MACC1: variants seen among roughly 807,000 people sequenced by gnomAD.
MACC1 encodes MET transcriptional regulator MACC1.
A neutral mutation model predicts 70.7 loss-of-function variants in MACC1; 79 were observed. That is an observed-to-expected ratio of 1.12 (90% CI 0.93 to 1.35). The LOEUF is 1.35. MACC1 is among the 40% of genes most tolerant of loss of function. The pLI is 0.00. For missense variants in MACC1, 1,106 were observed against 978.1 expected (o/e 1.13, Z -1.74); for synonymous variants, 361 against 347.2 (o/e 1.04, Z -0.44).
chr7:20,189,590 C>A (rs1330897422), intron 1 of MACC1, among the ~76,000 whole-genome samples: 2 of 152,104 alleles, frequency 1.3e-5, no homozygotes, highest in Non-Finnish European at 2.9e-5. Context: ...AATGGCTTTC[C>A]TGAAAGAAAT....
At chr7:20,190,343 T>G (rs1450072771) in intron 1 of MACC1, among the ~76,000 whole-genome samples, 4 of 152,216 alleles carry the variant, frequency 2.6e-5, no homozygotes, top group African/African-American at 9.6e-5. Flanking sequence ...TCCTCTTAGC[T>G]TTCTTTTTTC....
chr7:20,194,220 T>G (rs991275618), intron 1 of MACC1, among the ~76,000 whole-genome samples: 8 of 152,198 alleles, frequency 5.3e-5, no homozygotes, highest in African/African-American at 1.9e-4. Context: ...TTGCCGCTTT[T>G]TTTATATCCT....
At position 20,139,526 on chromosome 7, in the gene MACC1, A is replaced by G. The variant is rs1781766682; in HGVS notation, c.*1420T>C. On this transcript the variant is annotated 3_prime_UTR_variant, in exon 7 of 7. Coordinates refer to ENST00000400331, the MANE Select transcript of MACC1 (RefSeq NM_182762.4). ...ACGGTGTCATTTTTTAAAATTATCT[A>G]TTACTTAGCACTACTAAAGTCAGAG... is the stretch of plus-strand genomic sequence containing the variant. 1 of 152,114 alleles carries G rather than the reference A, an allele frequency of 6.6e-6. No individual in the cohort carries two copies. The allele number at this position is 152,114 out of a possible 1,614,324, so 9.4% of individuals were successfully genotyped here.
chr7:20,159,704 G>T lies in MACC1; in HGVS notation c.657C>A (p.Asn219Lys). The change falls in exon 5 of 7, where the codon AAC becomes AAA. Residue 219 changes from asparagine (N) to lysine (K), a missense_variant. By Grantham distance (94) the Asn-to-Lys change is moderately conservative. Transcript: ENST00000400331. ...LAEVTIACKVNHQGGSVQLPE... is the reference protein window; with the variant it reads ...LAEVTIACKVKHQGGSVQLPE... ...GTAATTGTACTGACCCTCCTTGATG[G>T]TTTACTTTGCAAGCTATGGTGACCT... The T allele has an allele frequency of 6.2e-7, 1 of 1,614,124 alleles. No individual in the cohort carries two copies. The highest frequency in any genetic ancestry group is 8.5e-7 in the Non-Finnish European group (1 of 1,180,018).
chr7:20,204,156 T>C (rs1051590604), intron 1 of MACC1, among the ~76,000 whole-genome samples: 1 of 152,148 alleles, frequency 6.6e-6, no homozygotes, highest in African/African-American at 2.4e-5. Flanking sequence ...CAATTCTTTT[T>C]GTTTGTTTGT....
intron 5 of MACC1, among the ~76,000 whole-genome samples, chr7:20,157,992 C>T (rs1782080098): frequency 6.6e-6 from 1 of 152,062 alleles, no homozygotes; most frequent in African/African-American, 2.4e-5. Context: ...AAAGATGATC[C>T]TGGTTTTTGG....
intron 1 of MACC1, among the ~76,000 whole-genome samples, chr7:20,207,172 G>C (rs1343466928): frequency 6.6e-6 from 1 of 150,642 alleles, no homozygotes; most frequent in Non-Finnish European, 1.5e-5. Flanking sequence ...ACAGAGTCTT[G>C]CTGTGTCACC....
Position 20,141,005 on chromosome 7 carries a change from G to C in MACC1, c.2500C>G (p.Leu834Val), listed in dbSNP as rs774019910. ...HWRELTGVLILVNSLEVLRVT... is the reference protein window; with the variant it reads ...HWRELTGVLIVVNSLEVLRVT... ...CTCAAAACCTCCAAAGAATTTACTA[G>C]TATTAAAACTCCAGTTAATTCTCTC... Residue 834 changes from leucine (L) to valine (V), a missense_variant, in exon 7 of 7, where the codon CTA becomes GTA. By Grantham distance (32) the Leu-to-Val change is conservative. Transcript: ENST00000400331. The C allele has an allele frequency of 6.2e-7, 1 of 1,614,038 alleles. No individual in the cohort carries two copies. Among genetic ancestry groups the C allele is most frequent in the South Asian group, 1.1e-5 (1 of 91,068 alleles).
intron 6 of MACC1, among the ~76,000 whole-genome samples, chr7:20,146,213 CA>C (rs1433088762): frequency 1.3e-5 from 2 of 151,556 alleles, no homozygotes; most frequent in Non-Finnish European, 1.5e-5. Context: ...ATTAATCGTC[CA>C]GGTCTCTTCA....
chr7:20,161,893 T>G, intron 3 of MACC1, 23 bp from the exon 4 acceptor site: 1 of 1,423,656 alleles, frequency 7.0e-7, no homozygotes, highest in African/African-American at 1.4e-5. Context: ...TAGATAAGTA[T>G]TTTTTGTAAG....
At chr7:20,171,463 C>A (rs995049358) in intron 1 of MACC1, among the ~76,000 whole-genome samples, 1 of 151,516 alleles carries the variant, frequency 6.6e-6, no homozygotes, top group Admixed American at 6.6e-5. Flanking sequence ...ACCGTGTTAG[C>A]CAGGATGGTC....
intron 1 of MACC1, among the ~76,000 whole-genome samples, chr7:20,201,110 T>C (rs759771403): frequency 2.0e-5 from 3 of 152,220 alleles, no homozygotes; most frequent in Non-Finnish European, 4.4e-5. Flanking sequence ...GTGAATCTCA[T>C]TGGTGAATGA....
intron 1 of MACC1, among the ~76,000 whole-genome samples, chr7:20,210,634 T>A (rs1383095239): frequency 2.0e-5 from 3 of 152,182 alleles, no homozygotes; most frequent in African/African-American, 7.2e-5. Context: ...TACCTATCCT[T>A]TCAATCTTTT....
chr7:20,169,252 A>G (rs1782265371), intron 2 of MACC1, among the ~76,000 whole-genome samples: 1 of 152,252 alleles, frequency 6.6e-6, no homozygotes, highest in African/African-American at 2.4e-5. Flanking sequence ...ACTCTGAGAA[A>G]TAAATTAGCT....
In MACC1 at chr7:20,136,287, T is replaced by G. The variant is rs1781717015; in HGVS notation, c.*4659A>C. ...GAGGAAGCCTTTCATGCTGTACTCA[T>G]TATGACAACAACAATATTTTCTATG... is the stretch of plus-strand genomic sequence containing the variant. On this transcript the variant is annotated 3_prime_UTR_variant, in exon 7 of 7. Coordinates refer to ENST00000400331, the MANE Select transcript of MACC1 (RefSeq NM_182762.4). 1 of 152,226 alleles carries G rather than the reference T, an allele frequency of 6.6e-6. No individual in the cohort carries two copies. The highest frequency in any genetic ancestry group is 2.4e-5 in the African/African-American group (1 of 41,462). The allele number at this position is 152,226 out of a possible 1,614,324, so 9.4% of individuals were successfully genotyped here.
chr7:20,185,988 C>T (rs1304611740), intron 1 of MACC1, among the ~76,000 whole-genome samples: 2 of 152,190 alleles, frequency 1.3e-5, no homozygotes, highest in Non-Finnish European at 2.9e-5. Context: ...ACTCTTTTGA[C>T]TACACACAAA....
At chr7:20,152,649 G>C (rs988188162) in intron 6 of MACC1, among the ~76,000 whole-genome samples, 1 of 152,132 alleles carries the variant, frequency 6.6e-6, no homozygotes, top group African/African-American at 2.4e-5. Context: ...GTGTTTATCA[G>C]CCTCAGGCAA....
At chr7:20,211,344 T>C (rs1309108923) in intron 1 of MACC1, among the ~76,000 whole-genome samples, 2 of 152,074 alleles carry the variant, frequency 1.3e-5, no homozygotes, top group African/African-American at 4.8e-5. Context: ...ACTATCAATA[T>C]TATCATTATC....
At position 20,137,840 on chromosome 7, in the gene MACC1, G is replaced by A. The variant is rs912118219; in HGVS notation, c.*3106C>T. 6.6e-6 allele frequency: 1 copy of A among 152,124 alleles called. No individual in the cohort carries two copies. Among genetic ancestry groups the A allele is most frequent in the Non-Finnish European group, 1.5e-5 (1 of 68,018 alleles). 9.4% of individuals were successfully genotyped at this position (152,124 alleles called of 1,614,324 possible). A position where few individuals can be genotyped will look rare whatever the true frequency, so the allele number is the denominator to read the frequency against. ...TAGAATATATTTATACAAACAGAAT[G>A]TTTGGACATGGGCTTAAAATTCCTC... On this transcript the variant is annotated 3_prime_UTR_variant, in exon 7 of 7. Transcript: ENST00000400331.
Sources: allele counts gnomAD v4.1 joint callset (sites outside exome capture counted in the v4.1 genomes callset), GRCh38; gene constraint gnomAD v4.1.1; transcripts MANE v1.5; gene names NCBI Gene and HGNC (gene_info 2026-07-23, HGNC 2026-07-21).